Variants in LRRC7 observed in about 807,000 individuals in gnomAD.
LRRC7 encodes leucine rich repeat containing 7.
A neutral mutation model predicts 175.7 loss-of-function variants in LRRC7; 23 were observed. The ratio of observed to expected loss-of-function variants is 0.13; its 90% CI spans 0.09 to 0.19. LRRC7 has a LOEUF of 0.19. Ranked by LOEUF, LRRC7 falls within the 10% of genes least tolerant of loss-of-function variation. The pLI is 1.00. For missense variants in LRRC7, 1,354 were observed against 1,904.7 expected (o/e 0.71, Z 5.38); for synonymous variants, 685 against 680.9 (o/e 1.01, Z -0.09).
chr1:69,901,713 G>A lies in LRRC7; in HGVS notation c.648-29794G>A, dbSNP rs562713368. Among the ~76,000 whole-genome samples the A allele has an allele frequency of 5.9e-5, 9 of 152,166 alleles. No individual in the cohort carries two copies. The South Asian group carries it at 1.9e-3, about 32-fold the overall frequency. ...TCTTTGATCTCCTTCATATTGCAGA[G>A]AACTTTATTAAAAAAAACTACATTG... On this transcript the variant is annotated intron_variant, in intron 7 of 26. Transcript: ENST00000651989.
chr1:69,838,161 A>G, intron 6 of LRRC7, 66 bp from the exon 7 acceptor site: 1 of 1,079,378 alleles, frequency 9.3e-7, no homozygotes, highest in South Asian at 1.3e-5. Flanking sequence ...ACCAAATACT[A>G]GATCTTATTC....
intron 1 of LRRC7, among the ~76,000 whole-genome samples, chr1:69,650,330 G>A (rs934992270): frequency 2.0e-5 from 3 of 151,876 alleles, no homozygotes; most frequent in Admixed American, 6.6e-5. Context: ...CACGAAGTCA[G>A]GAGATCGAGA....
chr1:69,616,522 TTATTA>T (rs1026200925), intron 1 of LRRC7, among the ~76,000 whole-genome samples: 1 of 152,084 alleles, frequency 6.6e-6, no homozygotes, highest in Non-Finnish European at 1.5e-5. Flanking sequence ...TTTAAAGTTA[TTATTA>T]TATTATAGAA....
intron 22 of LRRC7, among the ~76,000 whole-genome samples, chr1:70,050,893 A>G (rs1246273207): frequency 1.3e-5 from 2 of 152,046 alleles, no homozygotes; most frequent in African/African-American, 4.8e-5. Flanking sequence ...CAAGAAAAAC[A>G]AAAAGGCCAG....
At chr1:69,834,682 A>G (rs1680911682) in intron 5 of LRRC7, 98 bp from the exon 6 acceptor site, 1 of 919,288 alleles carries the variant, frequency 1.1e-6, no homozygotes, top group East Asian at 2.5e-5. Flanking sequence ...TGAAAAATGT[A>G]TTACATTTCT....
chr1:70,121,212 G>A (rs889693584), intron 26 of LRRC7, among the ~76,000 whole-genome samples: 6 of 152,104 alleles, frequency 3.9e-5, no homozygotes, highest in Admixed American at 1.3e-4. Flanking sequence ...TGGATTGATT[G>A]AGAACCACTC....
rs552763263 is a variant in LRRC7 at position 69,825,756 on chromosome 1, G to C, written c.430G>C (p.Glu144Gln). The C allele has an allele frequency of 1.9e-6, 3 of 1,601,428 alleles. No individual in the cohort carries two copies. The highest frequency in any genetic ancestry group is 2.7e-5 in the African/African-American group (2 of 74,626). Residue 144 changes from glutamate to glutamine, a missense_variant, in exon 5 of 27, where the codon GAA becomes CAA. By Grantham distance (29) the Glu-to-Gln change is conservative. This residue lies in a region of LRRC7 where 201 missense variants were observed against 481.4 expected (regional missense o/e 0.42). Transcript: ENST00000651989. Reference protein sequence around the residue: ...ELDISKNGVQEFPENIKCCKC... With the variant: ...ELDISKNGVQQFPENIKCCKC... ...TTTTTTTCACATTTTAGGTGTACAAGAATTTCCAGAAAACATAAAGTGCTG... is the reference window on the plus strand; with the variant it reads ...TTTTTTTCACATTTTAGGTGTACAACAATTTCCAGAAAACATAAAGTGCTG...
Position 70,126,104 on chromosome 1 carries a change from TTAGCACACCGATCAAATATGTCTGATG to T in LRRC7, c.*4218_*4244del, listed in dbSNP as rs1666445604. On this transcript the variant is annotated 3_prime_UTR_variant, in exon 27 of 27. Coordinates refer to ENST00000651989, the MANE Select transcript of LRRC7 (RefSeq NM_001370785.2). Reference sequence around the variant, plus strand: ...GTCCCTAACCAATTTCTACCCCTCATTAGCACACCGATCAAATATGTCTGATGAATACATTCTCATCAAGAGGCAAGA... The same window carrying T: ...GTCCCTAACCAATTTCTACCCCTCATAATACATTCTCATCAAGAGGCAAGA... Among the ~76,000 whole-genome samples the T allele has an allele frequency of 6.6e-6, 1 of 152,096 alleles. No individual in the cohort carries two copies. Among genetic ancestry groups the T allele is most frequent in the Non-Finnish European group, 1.5e-5 (1 of 68,014 alleles).
intron 8 of LRRC7, among the ~76,000 whole-genome samples, chr1:69,974,738 A>G (rs1336663032): frequency 6.6e-6 from 1 of 152,212 alleles, no homozygotes; most frequent in African/African-American, 2.4e-5. Context: ...TGCTATTCTT[A>G]GGAAGTTTTT....
intron 5 of LRRC7, among the ~76,000 whole-genome samples, chr1:69,827,857 C>A (rs146727964): frequency 1.3e-5 from 2 of 152,092 alleles, no homozygotes; most frequent in Admixed American, 1.3e-4. Flanking sequence ...AAGATTAATT[C>A]TATTTAGGTG....
intron 2 of LRRC7, among the ~76,000 whole-genome samples, chr1:69,722,766 T>C (rs78486932): frequency 0.079 from 12,072 of 152,130 alleles, 555 homozygotes; most frequent in East Asian, 0.14. Context: ...CTATAAATTG[T>C]ATATTGATAT....
intron 1 of LRRC7, among the ~76,000 whole-genome samples, chr1:69,647,291 T>G (rs1447395153): frequency 6.6e-6 from 1 of 152,192 alleles, no homozygotes; most frequent in Non-Finnish European, 1.5e-5. Context: ...TTAACTTTCT[T>G]TTTATAATGC....
intron 1 of LRRC7, among the ~76,000 whole-genome samples, chr1:69,617,020 G>T (rs1029308829): frequency 2.6e-5 from 4 of 152,024 alleles, no homozygotes; most frequent in Non-Finnish European, 5.9e-5. Context: ...CCTTTGAGAA[G>T]AATTTAATTT....
intron 3 of LRRC7, among the ~76,000 whole-genome samples, chr1:69,771,952 C>T (rs1043028321): frequency 6.6e-6 from 1 of 152,000 alleles, no homozygotes; most frequent in African/African-American, 2.4e-5. Context: ...GAAACCCCAT[C>T]TCTCCTAAAA....
At chr1:69,778,097 G>T (rs995172874) in intron 3 of LRRC7, among the ~76,000 whole-genome samples, 1 of 152,168 alleles carries the variant, frequency 6.6e-6, no homozygotes, top group African/African-American at 2.4e-5. Flanking sequence ...GTAGGTTCAT[G>T]CTGTTTCCTC....
At chr1:69,938,092 G>A (rs933705241) in intron 8 of LRRC7, among the ~76,000 whole-genome samples, 3 of 151,784 alleles carry the variant, frequency 2.0e-5, no homozygotes, top group Non-Finnish European at 2.9e-5. Flanking sequence ...TATTTAAAGA[G>A]CAAGAAAAGT....
chr1:69,833,368 G>C (rs1339104566), intron 5 of LRRC7, among the ~76,000 whole-genome samples: 1 of 152,052 alleles, frequency 6.6e-6, no homozygotes, highest in Non-Finnish European at 1.5e-5. Context: ...TTTCAAAACA[G>C]AGTAGTAAAC....
In LRRC7 at chr1:69,907,182, A is replaced by G. The variant is rs376407881; in HGVS notation, c.648-24325A>G. 7.4e-3 allele frequency among the ~76,000 whole-genome samples: 1,129 copies of G among 151,920 alleles called. 13 individuals carry two copies. Among genetic ancestry groups the G allele is most frequent in the African/African-American group, 0.025 (1,030 of 41,290 alleles). The stretch of plus-strand genomic sequence containing the variant: ...TGGGCTGAGACAATGGGGTTTTCTA[A>G]ATATACAATCATGTCATCTGCAAAC... On this transcript the variant is annotated intron_variant, in intron 7 of 26. Transcript: ENST00000651989.
rs117626250 is a variant in LRRC7 at position 69,569,422 on chromosome 1, G to C, written c.2+781G>C. ...CGCTGGGTCCCCTTGAGGATCTTGC[G>C]TCCTCCTCTCCGAGTTATTAAGGAT... On this transcript the variant is annotated intron_variant, in intron 1 of 26. Coordinates refer to ENST00000651989, the MANE Select transcript of LRRC7 (RefSeq NM_001370785.2). 2.0e-5 allele frequency among the ~76,000 whole-genome samples: 3 copies of C among 152,086 alleles called. No homozygotes were observed. The East Asian group carries it at 5.9e-4, about 30-fold the overall frequency.
Sources: gnomAD v4.1 joint callset for allele counts (sites outside exome capture counted in the v4.1 genomes callset) on GRCh38, gnomAD v4.1.1 for gene constraint, gnomAD v4.1.1 regional missense constraint, MANE v1.5 for transcripts, NCBI Gene and HGNC (gene_info 2026-07-23, HGNC 2026-07-21) for gene names.